Variants in EYS observed in about 807,000 individuals in gnomAD.
The protein encoded by EYS is protein eyes shut homolog.
Under a neutral mutation model 282.1 loss-of-function variants are expected in EYS, and 250 were observed. The ratio of observed to expected loss-of-function variants is 0.89; its 90% CI spans 0.80 to 0.98. The LOEUF (loss-of-function observed/expected upper bound fraction) is 0.98, where lower values mean the gene tolerates loss of function less well. Among genes scored for constraint, EYS ranks in the 50% least tolerant of loss-of-function variants. EYS has a pLI of 0.00. For synonymous variants in EYS, 1,355 were observed against 1,282.9 expected (o/e 1.06, Z -1.20); for missense variants, 4,016 against 3,709.0 (o/e 1.08, Z -2.15).
At chr6:65,037,996 T>C (rs1280367740) in intron 13 of EYS, among the ~76,000 whole-genome samples, 1 of 151,600 alleles carries the variant, frequency 6.6e-6, no homozygotes, top group Admixed American at 6.6e-5. Flanking sequence ...AAACCTAGCT[T>C]CATTAATTTC....
chr6:64,093,987 A>G (rs371661162), intron 31 of EYS, among the ~76,000 whole-genome samples: 4 of 151,808 alleles, frequency 2.6e-5, no homozygotes, highest in African/African-American at 9.7e-5. Context: ...TTTGTCAAAG[A>G]CCTTTTCTGC....
intron 13 of EYS, among the ~76,000 whole-genome samples, chr6:65,000,351 C>G (rs1583380741): frequency 6.6e-6 from 1 of 152,188 alleles, no homozygotes; most frequent in East Asian, 1.9e-4. Flanking sequence ...AATAGGCCTT[C>G]TATGAATCTG....
intron 2 of EYS, among the ~76,000 whole-genome samples, chr6:65,541,758 A>T (rs1183821256): frequency 1.3e-5 from 2 of 152,034 alleles, no homozygotes; most frequent in Non-Finnish European, 2.9e-5. Context: ...TATGCTGCCC[A>T]ACAATACTGC....
chr6:63,796,008 T>A (rs954183643), intron 37 of EYS, among the ~76,000 whole-genome samples: 4 of 152,192 alleles, frequency 2.6e-5, no homozygotes, highest in Non-Finnish European at 4.4e-5. Flanking sequence ...AAGGATGGCC[T>A]GGACAAGAGT....
intron 30 of EYS, among the ~76,000 whole-genome samples, chr6:64,275,577 C>G (rs555390426): frequency 7.1e-4 from 108 of 151,674 alleles, no homozygotes; most frequent in African/African-American, 2.5e-3. Context: ...CCACCACGCC[C>G]GGCTAATTTT....
intron 22 of EYS, among the ~76,000 whole-genome samples, chr6:64,677,274 TG>T (rs1474286802): frequency 6.6e-6 from 1 of 152,216 alleles, no homozygotes; most frequent in African/African-American, 2.4e-5. Context: ...AAGTTTCATA[TG>T]GTTGTTAGAA....
At position 63,760,674 on chromosome 6, in the gene EYS, A is replaced by ATCTG. The variant is rs1554167512; in HGVS notation, c.8071+1786_8071+1787insCAGA. Among the ~76,000 whole-genome samples, 405 of 149,802 alleles carry ATCTG rather than the reference A, an allele frequency of 2.7e-3. 5 individuals are homozygous for ATCTG. The highest frequency in any genetic ancestry group is 9.9e-3 in the African/African-American group (393 of 39,714). On this transcript the variant is annotated intron_variant, in intron 41 of 42. Transcript: ENST00000503581. The stretch of plus-strand genomic sequence containing the variant: ...TATCTATCTATCTATCTATCTATCT[A>ATCTG]TCTATCTATCTATCTATCTATCTAT...
intron 31 of EYS, among the ~76,000 whole-genome samples, chr6:64,160,543 C>T (rs952469505): frequency 4.6e-5 from 7 of 152,262 alleles, no homozygotes; most frequent in Admixed American, 6.5e-5. Flanking sequence ...CAAGATATAG[C>T]TAAAACCAAC....
chr6:65,043,922 T>G (rs1008301975), intron 13 of EYS, among the ~76,000 whole-genome samples: 1 of 151,684 alleles, frequency 6.6e-6, no homozygotes, highest in Non-Finnish European at 1.5e-5. Flanking sequence ...TTTGATCATA[T>G]GCTAGTTATA....
intron 5 of EYS, among the ~76,000 whole-genome samples, chr6:65,482,623 T>C (rs1454781863): frequency 5.9e-5 from 9 of 152,212 alleles, no homozygotes; most frequent in Non-Finnish European, 1.3e-4. Context: ...TGGAGAAATA[T>C]GTACTTTACA....
At chr6:64,407,722 GCA>G (rs1401939594) in intron 28 of EYS, among the ~76,000 whole-genome samples, 3 of 152,032 alleles carry the variant, frequency 2.0e-5, no homozygotes, top group Non-Finnish European at 4.4e-5. Context: ...GTGTATGTAT[GCA>G]CACATTATTA....
At chr6:64,995,718 C>CCT (rs1562292765) in intron 14 of EYS, among the ~76,000 whole-genome samples, 2 of 146,100 alleles carry the variant, frequency 1.4e-5, no homozygotes, top group Admixed American at 7.0e-5. Context: ...TTCTGCTTCC[C>CCT]CCCCGCCCCA....
intron 26 of EYS, among the ~76,000 whole-genome samples, chr6:64,518,524 A>C (rs759849072): frequency 4.6e-5 from 7 of 151,840 alleles, no homozygotes; most frequent in Non-Finnish European, 1.0e-4. Context: ...ATAATTATAA[A>C]CAAAGTATAT....
chr6:64,866,262 C>T (rs904309683), intron 19 of EYS, among the ~76,000 whole-genome samples: 5 of 151,770 alleles, frequency 3.3e-5, no homozygotes, highest in African/African-American at 7.3e-5. Flanking sequence ...AAGAAAATTG[C>T]CTCTTTCTAT....
At chr6:64,024,751 C>T (rs1769398057) in intron 33 of EYS, among the ~76,000 whole-genome samples, 1 of 152,044 alleles carries the variant, frequency 6.6e-6, no homozygotes, top group African/African-American at 2.4e-5. Flanking sequence ...ACACTCACTG[C>T]AAAGGTCCGC....
intron 22 of EYS, among the ~76,000 whole-genome samples, chr6:64,750,072 T>C (rs1263083956): frequency 6.6e-6 from 1 of 152,096 alleles, no homozygotes; most frequent in South Asian, 2.1e-4. Context: ...CATCTTTGCT[T>C]GGTTTATTTT....
At chr6:63,911,820 T>C (rs999326748) in intron 35 of EYS, among the ~76,000 whole-genome samples, 2 of 152,176 alleles carry the variant, frequency 1.3e-5, no homozygotes, top group Non-Finnish European at 2.9e-5. Flanking sequence ...ACAAAACAAA[T>C]AGTACTTGGC....
At chr6:64,445,839 T>G (rs747512120) in intron 26 of EYS, among the ~76,000 whole-genome samples, 11 of 152,158 alleles carry the variant, frequency 7.2e-5, no homozygotes, top group Admixed American at 2.0e-4. Flanking sequence ...AGCCCTCTGT[T>G]GGAGATGAGG....
intron 35 of EYS, among the ~76,000 whole-genome samples, chr6:63,900,558 C>A (rs1346260366): frequency 3.3e-5 from 5 of 152,136 alleles, no homozygotes; most frequent in African/African-American, 1.2e-4. Flanking sequence ...CTCACCTCTC[C>A]CCAGCTGACA....
Sources: gnomAD v4.1 joint callset for allele counts (sites outside exome capture counted in the v4.1 genomes callset) on GRCh38, gnomAD v4.1.1 for gene constraint, MANE v1.5 for transcripts, NCBI Gene and HGNC (gene_info 2026-07-23, HGNC 2026-07-21) for gene names.